Variants in MCU observed in about 807,000 individuals in gnomAD.
The protein encoded by MCU is mitochondrial calcium uniporter, also known as calcium uniporter protein, mitochondrial.
Under a neutral mutation model 45.2 loss-of-function variants are expected in MCU, and 12 were observed. That is an observed-to-expected ratio of 0.27 (90% CI 0.17 to 0.43). The LOEUF (loss-of-function observed/expected upper bound fraction) is 0.43. MCU is among the 20% of genes least tolerant of loss of function. MCU has a pLI of 1.00. For synonymous variants in MCU, 160 were observed against 165.1 expected (o/e 0.97, Z 0.24); for missense variants, 324 against 436.7 (o/e 0.74, Z 2.30).
At chr10:72,702,460 A>T (rs1842770234) in intron 1 of MCU, among the ~76,000 whole-genome samples, 1 of 152,180 alleles carries the variant, frequency 6.6e-6, no homozygotes, top group Non-Finnish European at 1.5e-5. Flanking sequence ...CATTCAGAAA[A>T]TATCTGTGGA....
intron 1 of MCU, among the ~76,000 whole-genome samples, chr10:72,826,753 G>A (rs1445018934): frequency 6.6e-6 from 1 of 152,152 alleles, no homozygotes; most frequent in East Asian, 1.9e-4. Flanking sequence ...ACAGTCAGCT[G>A]TAGTCTGAAA....
chr10:72,871,652 CTCA>C (rs1411880491), intron 6 of MCU, 72 bp downstream of exon 6: 1 of 1,351,250 alleles, frequency 7.4e-7, no homozygotes. Context: ...GTTCTTTTTT[CTCA>C]TCTTCTAAAG....
chr10:72,697,988 C>T (rs1842711361), intron 1 of MCU, among the ~76,000 whole-genome samples: 1 of 151,718 alleles, frequency 6.6e-6, no homozygotes, highest in East Asian at 1.9e-4. Flanking sequence ...CTATGTTGCC[C>T]AAGCTGGTTT....
intron 1 of MCU, chr10:72,715,766 T>G: frequency 2.0e-6 from 1 of 509,198 alleles, no homozygotes; most frequent in Non-Finnish European, 2.5e-6. Context: ...TTGCAGGTCA[T>G]CTTGTAAATT....
intron 1 of MCU, among the ~76,000 whole-genome samples, chr10:72,742,022 C>CAAAAAAAA (rs59028044): frequency 4.1e-4 from 30 of 72,854 alleles, no homozygotes; most frequent in East Asian, 2.2e-3. Flanking sequence ...GACTCCGTCT[C>CAAAAAAAA]AAAAAAAAAA....
intron 1 of MCU, among the ~76,000 whole-genome samples, chr10:72,730,058 C>G (rs1224385007): frequency 1.4e-5 from 2 of 146,584 alleles, no homozygotes; most frequent in South Asian, 2.2e-4. Context: ...CTCCGGAGTT[C>G]AAGCAATTCT....
intron 1 of MCU, chr10:72,736,515 G>T (rs985009494): frequency 6.6e-6 from 1 of 152,064 alleles, no homozygotes. Flanking sequence ...AGAGACCAAG[G>T]GTTGGCCCTT....
chr10:72,720,882 G>A (rs1163124244), intron 1 of MCU: 1 of 152,158 alleles, frequency 6.6e-6, no homozygotes, highest in East Asian at 1.9e-4. Context: ...GCTTCTTGAA[G>A]TACTTTATAC....
chr10:72,754,842 A>G (rs572501508), intron 1 of MCU, among the ~76,000 whole-genome samples: 1 of 152,254 alleles, frequency 6.6e-6, no homozygotes, highest in South Asian at 2.1e-4. Flanking sequence ...CAACAACAAC[A>G]AAAAGCCCAA....
intron 6 of MCU, among the ~76,000 whole-genome samples, chr10:72,877,618 C>T (rs1434345780): frequency 6.6e-6 from 1 of 152,008 alleles, no homozygotes; most frequent in Non-Finnish European, 1.5e-5. Context: ...ACATAATACA[C>T]ATCTGTTTAA....
At chr10:72,837,767 G>A (rs907519976) in intron 2 of MCU, among the ~76,000 whole-genome samples, 1 of 152,030 alleles carries the variant, frequency 6.6e-6, no homozygotes, top group African/African-American at 2.4e-5. Context: ...TGGAAGTTAA[G>A]GATGTGGATA....
At chr10:72,879,901 A>G (rs376966926) in intron 6 of MCU, among the ~76,000 whole-genome samples, 9 of 152,072 alleles carry the variant, frequency 5.9e-5, no homozygotes, top group South Asian at 2.1e-4. Context: ...TAAAAAAATC[A>G]GCTGGGCATG....
intron 1 of MCU, among the ~76,000 whole-genome samples, chr10:72,752,053 A>G (rs192905459): frequency 4.0e-5 from 6 of 151,282 alleles, no homozygotes; most frequent in African/African-American, 1.5e-4. Flanking sequence ...GTTAGCCAGG[A>G]TGGTCTCGAT....
intron 1 of MCU, among the ~76,000 whole-genome samples, chr10:72,783,224 C>A (rs1181661956): frequency 6.6e-6 from 1 of 152,176 alleles, no homozygotes; most frequent in Non-Finnish European, 1.5e-5. Context: ...ATAGGCATAC[C>A]ACCTAGTTAC....
intron 1 of MCU, chr10:72,731,034 G>A (rs1843166309): frequency 6.6e-6 from 1 of 152,044 alleles, no homozygotes; most frequent in Non-Finnish European, 1.5e-5. Flanking sequence ...GGGATCCACC[G>A]GCCTTGGCCT....
chr10:72,777,879 AAC>A (rs1843919581), intron 1 of MCU, among the ~76,000 whole-genome samples: 1 of 152,236 alleles, frequency 6.6e-6, no homozygotes, highest in African/African-American at 2.4e-5. Context: ...AAAAGATTCA[AAC>A]ACATTTCTTG....
At position 72,692,160 on chromosome 10, in the gene MCU, C is replaced by T. The variant is rs755480724; in HGVS notation, c.9C>T (p.Ala3=). Residue 3 remains alanine, a synonymous_variant, in exon 1 of 8, where the codon GCC becomes GCT. Coordinates refer to ENST00000373053, the MANE Select transcript of MCU (RefSeq NM_138357.3). MA[A]AAGRSLLLLL... is the part of the protein sequence containing the mutation. Reference sequence around the variant, plus strand: ...CCGTTTCCAGTTGAGAGATGGCGGCCGCCGCAGGTAGATCGCTCCTGCTGC... The same window carrying T: ...CCGTTTCCAGTTGAGAGATGGCGGCTGCCGCAGGTAGATCGCTCCTGCTGC... 1.6e-5 allele frequency: 21 copies of T among 1,291,704 alleles called. No individual in the cohort carries two copies. Among genetic ancestry groups the T allele is most frequent in the African/African-American group, 6.1e-5 (4 of 65,678 alleles). The allele number at this position is 1,291,704 out of a possible 1,614,324, so 80.0% of individuals were successfully genotyped here.
intron 1 of MCU, among the ~76,000 whole-genome samples, chr10:72,707,959 C>G (rs1842844742): frequency 6.6e-6 from 1 of 152,020 alleles, no homozygotes. Context: ...CAGGCACGTA[C>G]CACCACGTTC....
chr10:72,878,232 CTT>C (rs1324452309), intron 6 of MCU, among the ~76,000 whole-genome samples: 1 of 148,292 alleles, frequency 6.7e-6, no homozygotes, highest in East Asian at 2.0e-4. Flanking sequence ...AGCCCTCCCT[CTT>C]AGCTTCCTGA....
Sources: gnomAD v4.1 joint callset for allele counts (sites outside exome capture counted in the v4.1 genomes callset) on GRCh38, gnomAD v4.1.1 for gene constraint, MANE v1.5 for transcripts, NCBI Gene and HGNC (gene_info 2026-07-23, HGNC 2026-07-21) for gene names.